Variants in CRADD observed in about 807,000 individuals in gnomAD.
CRADD encodes death domain-containing protein CRADD.
Under a neutral mutation model 15.5 loss-of-function variants are expected in CRADD, and 9 were observed. The observed-to-expected ratio is 0.58, with a 90% CI of 0.35 to 1.01. The LOEUF (loss-of-function observed/expected upper bound fraction) is 1.01, where lower values mean the gene tolerates loss of function less well. CRADD is among the 50% of genes least tolerant of loss of function. The pLI is 0.02. For missense variants in CRADD, 227 were observed against 250.3 expected (o/e 0.91, Z 0.63); for synonymous variants, 118 against 107.6 (o/e 1.10, Z -0.60).
intron 2 of CRADD, among the ~76,000 whole-genome samples, chr12:93,810,121 C>A (rs1171612860): frequency 6.6e-6 from 1 of 152,194 alleles, no homozygotes; most frequent in African/African-American, 2.4e-5. Context: ...TAAGCTATGT[C>A]TCCAGACTGT....
chr12:93,724,863 T>A (rs1343820998), intron 2 of CRADD, among the ~76,000 whole-genome samples: 2 of 151,360 alleles, frequency 1.3e-5, no homozygotes, highest in Non-Finnish European at 2.9e-5. Flanking sequence ...ATTATTATCA[T>A]TATTATTATT....
chr12:93,827,819 A>T (rs1306139299), intron 2 of CRADD, among the ~76,000 whole-genome samples: 1 of 152,198 alleles, frequency 6.6e-6, no homozygotes, highest in African/African-American at 2.4e-5. Flanking sequence ...AATGTTACAG[A>T]TCCCTAGAAA....
chr12:93,711,756 CTT>C lies in CRADD; in HGVS notation c.298+32697_298+32698del, dbSNP rs34557631. ...AAAACCTTTTGTACCCTCCTAGACT[CTT>C]TTTTTTTTTTTTCTGGAGACAGAGT... On this transcript the variant is annotated intron_variant, in intron 2 of 2. Transcript: ENST00000332896. 8.1e-3 allele frequency among the ~76,000 whole-genome samples: 1,153 copies of C among 142,034 alleles called. 5 individuals carry two copies. The highest frequency in any genetic ancestry group is 0.015 in the African/African-American group (568 of 38,736). The allele number at this position is 142,034 out of a possible 152,430, so 93.2% of individuals were successfully genotyped here.
At chr12:93,720,628 A>G (rs182306349) in intron 2 of CRADD, among the ~76,000 whole-genome samples, 74 of 152,292 alleles carry the variant, frequency 4.9e-4, no homozygotes, top group African/African-American at 1.8e-3. Context: ...ATTGTTACGT[A>G]TTCTTGGAAT....
intron 2 of CRADD, among the ~76,000 whole-genome samples, chr12:93,718,168 A>G (rs1049796484): frequency 6.6e-6 from 1 of 152,138 alleles, no homozygotes; most frequent in African/African-American, 2.4e-5. Context: ...TTTTGCCTCT[A>G]TATATAAACT....
At chr12:93,855,553 G>A (rs1444529955), downstream of CRADD, among the ~76,000 whole-genome samples, 2 of 152,210 alleles carry the variant, frequency 1.3e-5, no homozygotes, top group Non-Finnish European at 2.9e-5. Flanking sequence ...GAATGCAGAG[G>A]AGAAATGATC....
chr12:93,881,443 G>C (rs868279204), intron 2 of CRADD, among the ~76,000 whole-genome samples: 6 of 144,300 alleles, frequency 4.2e-5, no homozygotes, highest in African/African-American at 7.4e-5. Flanking sequence ...AAAGTGTGGG[G>C]GGGGGGTGGG....
At chr12:93,820,377 T>C (rs952653512) in intron 2 of CRADD, among the ~76,000 whole-genome samples, 1 of 151,596 alleles carries the variant, frequency 6.6e-6, no homozygotes, top group Non-Finnish European at 1.5e-5. Context: ...CCATCTCTAC[T>C]AAAAAAGAAA....
At chr12:93,786,530 G>T (rs563982716) in intron 2 of CRADD, among the ~76,000 whole-genome samples, 79 of 152,260 alleles carry the variant, frequency 5.2e-4, no homozygotes, top group African/African-American at 1.8e-3. Flanking sequence ...ATGGCCAGTT[G>T]CTCACAGTTT....
intron 2 of CRADD, among the ~76,000 whole-genome samples, chr12:93,794,412 A>G (rs561815482): frequency 4.0e-4 from 60 of 151,212 alleles, no homozygotes; most frequent in African/African-American, 1.4e-3. Flanking sequence ...TGGTACCCCC[A>G]TCTCAGTAAA....
intron 2 of CRADD, among the ~76,000 whole-genome samples, chr12:93,819,875 C>T (rs1050572898): frequency 2.6e-5 from 4 of 152,180 alleles, no homozygotes; most frequent in South Asian, 4.1e-4. Flanking sequence ...CTCCAGATTT[C>T]GAAGGGATTG....
intron 2 of CRADD, among the ~76,000 whole-genome samples, chr12:93,804,364 G>T (rs1020733717): frequency 3.9e-5 from 6 of 152,142 alleles, no homozygotes; most frequent in Non-Finnish European, 8.8e-5. Context: ...TCACATGTAT[G>T]ATTTCAAATA....
At chr12:93,884,393 G>A (rs1166499072) in intron 2 of CRADD, among the ~76,000 whole-genome samples, 4 of 152,126 alleles carry the variant, frequency 2.6e-5, no homozygotes, top group Admixed American at 1.3e-4. Context: ...ACAGCCAGAG[G>A]TCCCTGGCGA....
intron 2 of CRADD, among the ~76,000 whole-genome samples, chr12:93,762,010 ACTACC>A (rs1387854785): frequency 2.6e-5 from 4 of 152,214 alleles, no homozygotes; most frequent in Non-Finnish European, 5.9e-5. Flanking sequence ...TAAAGGAAAT[ACTACC>A]CTACTTCAAT....
chr12:93,753,357 A>G (rs1335348622), intron 2 of CRADD, among the ~76,000 whole-genome samples: 1 of 152,174 alleles, frequency 6.6e-6, no homozygotes, highest in Non-Finnish European at 1.5e-5. Flanking sequence ...GCCAAACCAT[A>G]TCATTCCACC....
At chr12:93,739,508 A>G (rs10777538) in intron 2 of CRADD, among the ~76,000 whole-genome samples, 52,377 of 151,206 alleles carry the variant, frequency 0.35, 10,746 homozygotes, top group East Asian at 0.61. Flanking sequence ...AAAAAAAGCT[A>G]TTAAGATTAA....
At chr12:93,852,340 C>T (rs1023426137), downstream of CRADD, among the ~76,000 whole-genome samples, 12 of 152,346 alleles carry the variant, frequency 7.9e-5, no homozygotes, top group African/African-American at 2.9e-4. Flanking sequence ...ATCTTTCCGC[C>T]ATTCACCATT....
chr12:93,752,802 T>C (rs1420846847), intron 2 of CRADD, among the ~76,000 whole-genome samples: 3 of 152,140 alleles, frequency 2.0e-5, no homozygotes, highest in African/African-American at 7.2e-5. Context: ...GATAAAGATA[T>C]ACCTGAAACT....
rs555017369 is a variant in CRADD, at chr12:93,859,385, G to A, written c.299-34665G>A. On this transcript the variant is annotated intron_variant, in intron 2 of 2. Coordinates refer to the CRADD transcript ENST00000548483. ...CCAATTTTCTACCCCATCCCACTGAGCAACTTAGAGATGACCTAAGGCCTC... is the reference window on the plus strand; with the variant it reads ...CCAATTTTCTACCCCATCCCACTGAACAACTTAGAGATGACCTAAGGCCTC... 1.9e-3 allele frequency: 876 copies of A among 455,866 alleles called. 2 individuals are homozygous for A. The highest frequency in any genetic ancestry group is 3.1e-3 in the Non-Finnish European group (713 of 226,780). The allele number at this position is 455,866 out of a possible 1,614,324, so 28.2% of individuals were successfully genotyped here. A position where few individuals can be genotyped will look rare whatever the true frequency, so the allele number is the denominator to read the frequency against.
Sources: allele counts gnomAD v4.1 joint callset (sites outside exome capture counted in the v4.1 genomes callset), GRCh38; gene constraint gnomAD v4.1.1; transcripts MANE v1.5; gene names NCBI Gene and HGNC (gene_info 2026-07-23, HGNC 2026-07-21).